The following WFDC1 variants were observed in gnomAD, a reference collection of about 807,000 sequenced individuals.
WFDC1 encodes the protein WAP four-disulfide core domain 1.
A neutral mutation model predicts 32.9 loss-of-function variants in WFDC1; 39 were observed. The ratio of observed to expected loss-of-function variants is 1.19; its 90% CI spans 0.92 to 1.55. WFDC1 has a LOEUF of 1.55. WFDC1 is among the 40% of genes most tolerant of loss of function. The pLI, the probability that WFDC1 is intolerant of heterozygous loss-of-function variation, is 0.00. For synonymous variants in WFDC1, 184 were observed against 137.4 expected, an observed-to-expected ratio of 1.34 and a Z score of -2.37; for missense variants, 386 against 309.5, an observed-to-expected ratio of 1.25 and a Z score of -1.85.
chr16:84,305,971 C>G (rs938184761), intron 1 of WFDC1, among the ~76,000 whole-genome samples: 3 of 151,136 alleles, frequency 2.0e-5, no homozygotes, highest in African/African-American at 7.3e-5. Context: ...CCCTTGCACT[C>G]CAGCCTGGGT....
chr16:84,318,419 C>T (rs1908091957), intron 3 of WFDC1, 64 bp downstream of exon 3: 1 of 1,543,552 alleles, frequency 6.5e-7, no homozygotes, highest in Admixed American at 1.7e-5. Flanking sequence ...CAGCTGCTTC[C>T]AGAAAGCTGG....
chr16:84,327,065 C>G, intron 6 of WFDC1, 110 bp downstream of exon 6: 3 of 1,025,586 alleles, frequency 2.9e-6, no homozygotes, highest in Non-Finnish European at 3.0e-6. Flanking sequence ...AGCGCTTTCC[C>G]TACTGGTAGA....
chr16:84,320,889 T>C (rs1366998070), intron 4 of WFDC1, among the ~76,000 whole-genome samples: 2 of 152,044 alleles, frequency 1.3e-5, no homozygotes, highest in Non-Finnish European at 2.9e-5. Context: ...GATTTGAGAA[T>C]GTTTTTCTCT....
chr16:84,295,734 T>C (rs936052230), intron 1 of WFDC1: 3 of 152,674 alleles, frequency 2.0e-5, no homozygotes, highest in African/African-American at 7.2e-5. Context: ...TGGGGCCAGA[T>C]GTCTGGGTGT....
chr16:84,317,393 G>T (rs36013769), intron 2 of WFDC1: 1 of 152,066 alleles, frequency 6.6e-6, no homozygotes, highest in African/African-American at 2.4e-5. Flanking sequence ...AAATAAAACA[G>T]TCTGGGAGCA....
In WFDC1 at chr16:84,314,019, G is replaced by T. The variant is rs981744554; in HGVS notation, c.337+866G>T. 2.7e-5 allele frequency among the ~76,000 whole-genome samples: 4 copies of T among 150,336 alleles called. No individual in the cohort carries two copies. The East Asian group carries it at 5.9e-4, about 22-fold the overall frequency. Reference sequence around the variant, plus strand: ...GTTGTGCCATTGCACTCCAGCGTGGGTGACAAAGTGAGACTCTGTCTCAAA... The same window carrying T: ...GTTGTGCCATTGCACTCCAGCGTGGTTGACAAAGTGAGACTCTGTCTCAAA... On this transcript the variant is annotated intron_variant, in intron 2 of 6. Transcript: ENST00000219454.
Position 84,306,979 on chromosome 16 carries a change from C to A in WFDC1, c.145-5982C>A, listed in dbSNP as rs571703856. ...ATGAGGTGTGTGAAGCTCCACAAAG[C>A]AGGGAGAGGGGGAAGGGAAGGCTGT... On this transcript the variant is annotated intron_variant, in intron 1 of 6. Transcript: ENST00000219454. Among the ~76,000 whole-genome samples, 4 of 152,100 alleles carry A rather than the reference C, an allele frequency of 2.6e-5. No individual in the cohort carries two copies. The South Asian group carries it at 8.3e-4, about 32-fold the overall frequency.
intron 1 of WFDC1, among the ~76,000 whole-genome samples, chr16:84,311,993 C>G (rs1429834207): frequency 6.6e-6 from 1 of 152,000 alleles, no homozygotes; most frequent in African/African-American, 2.4e-5. Flanking sequence ...TGTAGAAACC[C>G]TGTCTCTACT....
rs775129027 is a variant in WFDC1 at position 84,324,429 on chromosome 16, C to G, written c.573C>G (p.Ile191Met). The G allele has an allele frequency of 1.2e-6, 2 of 1,613,680 alleles. No individual in the cohort carries two copies. The highest frequency in any genetic ancestry group is 2.7e-5 in the African/African-American group (2 of 74,900). Residue 191 changes from isoleucine to methionine, a missense_variant, in exon 5 of 7, where the codon ATC becomes ATG. Physicochemically the swap from Ile to Met is conservative, Grantham distance 10 (BLOSUM62 1). Transcript: ENST00000219454. ...TCACTTGTTTTCCAGATGGGCGAAT[C>G]CTACGACACAAACTTTACAAAGAAT... ...VKQRRQADGR[I>M]LRHKLYKEYP...
intron 4 of WFDC1, 115 bp downstream of exon 4, chr16:84,319,686 C>G: frequency 7.4e-7 from 1 of 1,342,870 alleles, no homozygotes; most frequent in Non-Finnish European, 1.0e-6. Flanking sequence ...GCACCTGGGC[C>G]TGACTGAGAG....
intron 3 of WFDC1, chr16:84,318,629 G>T (rs1358035983): frequency 2.7e-6 from 1 of 364,058 alleles, no homozygotes; most frequent in African/African-American, 2.0e-5. Flanking sequence ...GGGGGCTTAG[G>T]GTTGGTTTTC....
At chr16:84,307,219 A>G (rs1219891996) in intron 1 of WFDC1, among the ~76,000 whole-genome samples, 1 of 152,156 alleles carries the variant, frequency 6.6e-6, no homozygotes, top group African/African-American at 2.4e-5. Context: ...CCTTTAACCC[A>G]TGGGGCCAGG....
rs1241726912 is a variant in WFDC1, at chr16:84,329,703, C to G, written c.*397C>G. Reference sequence around the variant, plus strand: ...AGGTATGTACCCATCTCAAATGTTCCCAAGATAAATTCATCCTTCAGGAAA... The same window carrying G: ...AGGTATGTACCCATCTCAAATGTTCGCAAGATAAATTCATCCTTCAGGAAA... On this transcript the variant is annotated 3_prime_UTR_variant, in exon 7 of 7. Coordinates refer to ENST00000219454, the MANE Select transcript of WFDC1 (RefSeq NM_021197.4). 1 of 152,162 alleles carries G rather than the reference C, an allele frequency of 6.6e-6. No homozygotes were observed. Among genetic ancestry groups the G allele is most frequent in the African/African-American group, 2.4e-5 (1 of 41,436 alleles). 9.4% of individuals were successfully genotyped at this position (152,162 alleles called of 1,614,324 possible).
In WFDC1 at chr16:84,294,904, C is replaced by A; in HGVS notation, c.-68C>A. ...GACTGTGCACGCTCCTGTCCCCACTCACAGGCCCACGCAGCGAGGGGGGCC... is the reference window on the plus strand; with the variant it reads ...GACTGTGCACGCTCCTGTCCCCACTAACAGGCCCACGCAGCGAGGGGGGCC... On this transcript the variant is annotated 5_prime_UTR_variant, in exon 1 of 7. Coordinates refer to ENST00000219454, the MANE Select transcript of WFDC1 (RefSeq NM_021197.4). The A allele has an allele frequency of 6.4e-7, 1 of 1,566,804 alleles. No individual in the cohort carries two copies. Among genetic ancestry groups the A allele is most frequent in the Middle Eastern group, 1.7e-4 (1 of 5,750 alleles).
rs565602907 is a variant in WFDC1 at position 84,329,642 on chromosome 16, T to C, written c.*336T>C. The C allele has an allele frequency of 2.0e-5, 3 of 152,314 alleles. No homozygotes were observed. The highest frequency in any genetic ancestry group is 7.2e-5 in the African/African-American group (3 of 41,566). The allele number at this position is 152,314 out of a possible 1,614,324, so 9.4% of individuals were successfully genotyped here. A position where few individuals can be genotyped will look rare whatever the true frequency, so the allele number is the denominator to read the frequency against. On this transcript the variant is annotated 3_prime_UTR_variant, in exon 7 of 7. Coordinates refer to ENST00000219454, the MANE Select transcript of WFDC1 (RefSeq NM_021197.4). ...TCTAAGACAAGGCTCAGCATCTTGA[T>C]ATTTTTGACAGATTCCTCCCAAGTC...
intron 1 of WFDC1, among the ~76,000 whole-genome samples, chr16:84,296,102 A>G (rs1906581382): frequency 6.6e-6 from 1 of 152,216 alleles, no homozygotes. Flanking sequence ...CCCAGAGATC[A>G]CAGATCCGCA....
intron 4 of WFDC1, among the ~76,000 whole-genome samples, chr16:84,323,664 G>A (rs562472591): frequency 2.0e-5 from 3 of 152,316 alleles, no homozygotes; most frequent in South Asian, 2.1e-4. Flanking sequence ...CAAAGAGGAC[G>A]AGTGAGGATT....
At chr16:84,308,823 C>G (rs913517568) in intron 1 of WFDC1, among the ~76,000 whole-genome samples, 1 of 134,000 alleles carries the variant, frequency 7.5e-6, no homozygotes, top group Non-Finnish European at 1.6e-5. Context: ...ATGCCATCCT[C>G]AGTGTAGATG....
At position 84,318,307 on chromosome 16, in the gene WFDC1, C is replaced by G; in HGVS notation, c.373C>G (p.Leu125Val). ...DWLVQPKPRW[L>V]GGNGWLLDGP... ...GCTGGTGCAGCCGAAACCTCGATGG[C>G]TTGGTGGCAATGGCTGGCTCCTGGA... The change falls in exon 3 of 7, where the codon CTT becomes GTT. Residue 125 changes from leucine (L) to valine (V), a missense_variant. Coordinates refer to ENST00000219454, the MANE Select transcript of WFDC1 (RefSeq NM_021197.4). The G allele has an allele frequency of 6.2e-7, 1 of 1,614,156 alleles. No homozygotes were observed. Among genetic ancestry groups the G allele is most frequent in the Middle Eastern group, 1.7e-4 (1 of 6,054 alleles).
Sources: gnomAD v4.1 joint callset for allele counts (sites outside exome capture counted in the v4.1 genomes callset) on GRCh38, gnomAD v4.1.1 for gene constraint, MANE v1.5 for transcripts, NCBI Gene and HGNC (gene_info 2026-07-23, HGNC 2026-07-21) for gene names.